CLASP2: variants seen among roughly 807,000 people sequenced by gnomAD.
The protein encoded by CLASP2 is CLIP-associating protein 2.
Under a neutral mutation model 194.4 loss-of-function variants are expected in CLASP2, and 47 were observed. The observed-to-expected ratio is 0.24, with a 90% CI of 0.19 to 0.31. CLASP2 has a LOEUF of 0.31. CLASP2 is among the 10% of genes least tolerant of loss of function. The pLI is 1.00. For missense variants in CLASP2, 1,445 were observed against 1,823.6 expected (o/e 0.79, Z 3.78); for synonymous variants, 619 against 633.5 (o/e 0.98, Z 0.34).
At chr3:33,501,326 T>A (rs1157387580) in intron 38 of CLASP2, among the ~76,000 whole-genome samples, 5 of 152,156 alleles carry the variant, frequency 3.3e-5, no homozygotes, top group Non-Finnish European at 5.9e-5. Flanking sequence ...TTATTCTTAA[T>A]AAAACAGTGG....
intron 12 of CLASP2, among the ~76,000 whole-genome samples, chr3:33,614,805 A>C (rs1236521179): frequency 6.6e-6 from 1 of 152,172 alleles, no homozygotes; most frequent in Admixed American, 6.5e-5. Context: ...AGCCTGACCA[A>C]CATAGTGAAA....
chr3:33,677,711 A>T (rs910656133), intron 6 of CLASP2, among the ~76,000 whole-genome samples: 15 of 151,446 alleles, frequency 9.9e-5, no homozygotes, highest in South Asian at 2.1e-4. Flanking sequence ...ATAATAATAA[A>T]AAATAAAAAA....
chr3:33,670,588 A>G (rs2086981661), intron 6 of CLASP2, among the ~76,000 whole-genome samples: 1 of 152,212 alleles, frequency 6.6e-6, no homozygotes, highest in East Asian at 1.9e-4. Flanking sequence ...CACATGGCAA[A>G]CCGCCGCACC....
rs149639967 is a variant in CLASP2, at chr3:33,640,741, C to T, written c.862+4016G>A. Among the ~76,000 whole-genome samples, 509 of 152,018 alleles carry T rather than the reference C, an allele frequency of 3.3e-3. 3 individuals carry two copies. Among genetic ancestry groups the T allele is most frequent in the African/African-American group, 0.011 (458 of 41,514 alleles). On this transcript the variant is annotated intron_variant, in intron 8 of 38. Transcript: ENST00000682230. ...AGAGTAGCAGCCAAAATGATTGATA[C>T]AGGAATAGGGATATTATAACCCAGA...
intron 11 of CLASP2, 25 bp downstream of exon 11, chr3:33,622,110 C>G (rs747828850): frequency 6.7e-7 from 1 of 1,496,792 alleles, no homozygotes; most frequent in African/African-American, 1.4e-5. Context: ...ATAAAAAACA[C>G]TTATCATAAA....
chr3:33,509,866 C>T (rs766761308), intron 37 of CLASP2, among the ~76,000 whole-genome samples: 2 of 152,070 alleles, frequency 1.3e-5, no homozygotes, highest in African/African-American at 4.8e-5. Flanking sequence ...ATTAGTATAA[C>T]CACTTTGGAG....
At chr3:33,689,119 C>T (rs544196607) in intron 3 of CLASP2, among the ~76,000 whole-genome samples, 6 of 151,176 alleles carry the variant, frequency 4.0e-5, no homozygotes, top group Non-Finnish European at 5.9e-5. Flanking sequence ...GTATTCAGTT[C>T]TATTAATATA....
intron 30 of CLASP2, among the ~76,000 whole-genome samples, chr3:33,550,590 T>C (rs551982759): frequency 6.6e-6 from 1 of 151,454 alleles, no homozygotes; most frequent in South Asian, 2.1e-4. Flanking sequence ...CTTTTGAGCA[T>C]ATGAAAAATA....
chr3:33,618,663 T>TA (rs2076615350), intron 12 of CLASP2, among the ~76,000 whole-genome samples: 1 of 150,952 alleles, frequency 6.6e-6, no homozygotes, highest in African/African-American at 2.4e-5. Context: ...AACAAATAAA[T>TA]AAAAAATAAA....
rs34414122 is a variant in CLASP2, at chr3:33,670,590, C to T, written c.645-7075G>A. 8.7e-3 allele frequency among the ~76,000 whole-genome samples: 1,328 copies of T among 152,182 alleles called. 12 individuals are homozygous for T. The highest frequency in any genetic ancestry group is 0.014 in the Non-Finnish European group (982 of 67,998). On this transcript the variant is annotated intron_variant, in intron 6 of 38. Transcript: ENST00000682230. ...AGAAAAGTGAGGTCACATGGCAAAC[C>T]GCCGCACCAAAAATTAGAGATGGGG... is the stretch of plus-strand genomic sequence containing the variant.
chr3:33,557,130 C>T (rs1236901984), intron 29 of CLASP2, among the ~76,000 whole-genome samples: 1 of 151,774 alleles, frequency 6.6e-6, no homozygotes, highest in Non-Finnish European at 1.5e-5. Context: ...CCCAACATCA[C>T]CCCTGGCTAA....
intron 8 of CLASP2, 37 bp from the exon 9 acceptor site, chr3:33,632,408 T>A (rs938502354): frequency 7.0e-7 from 1 of 1,420,746 alleles, no homozygotes; most frequent in Non-Finnish European, 9.7e-7. Flanking sequence ...CTAAGGTTCA[T>A]TTTTAAGCAT....
In CLASP2 at chr3:33,717,887, G is replaced by A; in HGVS notation, c.116C>T (p.Ser39Leu). 2 of 1,558,858 alleles carry A rather than the reference G, an allele frequency of 1.3e-6. No homozygotes were observed. Among genetic ancestry groups the A allele is most frequent in the Non-Finnish European group, 1.7e-6 (2 of 1,152,048 alleles). ...GCGGCCCAGGTCCTCCTCCAGGTCC[G>A]AGATGGCGCCGGGGGCGCCAAGGTA... is the stretch of plus-strand genomic sequence containing the variant. Reference protein sequence around the residue: ...LLYLGAPGAISDLEEDLGRLG... With the variant: ...LLYLGAPGAILDLEEDLGRLG... Residue 39 changes from serine to leucine, a missense_variant, in exon 1 of 39, where the codon TCG becomes TTG. This residue lies in a region of CLASP2 where 332 missense variants were observed against 325.3 expected (regional missense o/e 1.02). Transcript: ENST00000682230.
chr3:33,547,522 A>G (rs951921085), intron 30 of CLASP2, among the ~76,000 whole-genome samples: 4 of 152,220 alleles, frequency 2.6e-5, no homozygotes, highest in African/African-American at 9.7e-5. Context: ...ATGTTGCTAA[A>G]TTTGGCTTGC....
chr3:33,611,952 C>T (rs767189021), intron 13 of CLASP2, 49 bp downstream of exon 13: 3 of 1,177,430 alleles, frequency 2.5e-6, no homozygotes, highest in Non-Finnish European at 3.7e-6. Context: ...TTAAACAATG[C>T]AGTATCAGAG....
chr3:33,559,435 G>T (rs1032982774), intron 28 of CLASP2, 50 bp from the exon 29 acceptor site: 3 of 997,626 alleles, frequency 3.0e-6, no homozygotes, highest in Non-Finnish European at 4.6e-6. Flanking sequence ...TAGCAAGTAC[G>T]CATGTAACAG....
intron 6 of CLASP2, among the ~76,000 whole-genome samples, chr3:33,676,741 G>C (rs529042592): frequency 6.6e-6 from 1 of 152,286 alleles, no homozygotes; most frequent in South Asian, 2.1e-4. Context: ...CACAGCAAAA[G>C]AAACTACCAT....
At chr3:33,562,463 G>T (rs1336677463) in intron 27 of CLASP2, among the ~76,000 whole-genome samples, 1 of 152,212 alleles carries the variant, frequency 6.6e-6, no homozygotes, top group Non-Finnish European at 1.5e-5. Flanking sequence ...AATCTGTTCA[G>T]TCATGTGCTG....
intron 22 of CLASP2, among the ~76,000 whole-genome samples, chr3:33,583,153 A>G (rs1241842354): frequency 2.0e-5 from 3 of 152,228 alleles, no homozygotes; most frequent in Non-Finnish European, 4.4e-5. Flanking sequence ...AGAGGCCTAG[A>G]TGCAACTAAT....
Sources: allele counts gnomAD v4.1 joint callset (sites outside exome capture counted in the v4.1 genomes callset), GRCh38; gene constraint gnomAD v4.1.1; regional missense constraint gnomAD v4.1.1; transcripts MANE v1.5; gene names NCBI Gene and HGNC (gene_info 2026-07-23, HGNC 2026-07-21).